ZDHHC14: variants seen among roughly 807,000 people sequenced by gnomAD.
ZDHHC14 encodes palmitoyltransferase ZDHHC14.
A neutral mutation model predicts 47.7 loss-of-function variants in ZDHHC14; 16 were observed. That is an observed-to-expected ratio of 0.34 (90% CI 0.23 to 0.51). The LOEUF (loss-of-function observed/expected upper bound fraction) is 0.51. ZDHHC14 is among the 20% of genes least tolerant of loss of function. The pLI is 0.97. For synonymous variants in ZDHHC14, 293 were observed against 278.9 expected, an observed-to-expected ratio of 1.05 and a Z score of -0.50; for missense variants, 515 against 662.5, an observed-to-expected ratio of 0.78 and a Z score of 2.44.
At chr6:157,628,623 C>G in intron 4 of ZDHHC14, 137 bp downstream of exon 4, 2 of 1,178,410 alleles carry the variant, frequency 1.7e-6, no homozygotes, top group Non-Finnish European at 2.4e-6. Flanking sequence ...CTCCTCACTT[C>G]CAGCCTGCCT....
At chr6:157,550,155 G>A (rs2114819765) in intron 2 of ZDHHC14, among the ~76,000 whole-genome samples, 1 of 152,338 alleles carries the variant, frequency 6.6e-6, no homozygotes, top group African/African-American at 2.4e-5. Flanking sequence ...TGCTCAGCCT[G>A]CACTGAGCCT....
intron 4 of ZDHHC14, 163 bp downstream of exon 4, chr6:157,628,649 C>T: frequency 1.1e-6 from 1 of 899,436 alleles, no homozygotes; most frequent in East Asian, 2.5e-5. Flanking sequence ...TTGTTTCTCA[C>T]CCTCCTCCAT....
chr6:157,615,787 TTTTTGTTTTGTTTTG>T (rs66704112), intron 3 of ZDHHC14, among the ~76,000 whole-genome samples: 125 of 151,334 alleles, frequency 8.3e-4, no homozygotes, highest in Non-Finnish European at 1.4e-3. Context: ...GCTGACTGCA[TTTTTGTTTTGTTTTG>T]TTTTGTTTTG....
intron 3 of ZDHHC14, among the ~76,000 whole-genome samples, chr6:157,625,527 C>T (rs1281640298): frequency 6.6e-6 from 1 of 152,066 alleles, no homozygotes. Context: ...GGAAAAGAGA[C>T]CCTGGGTGCA....
At chr6:157,440,982 A>G (rs1388301221) in intron 1 of ZDHHC14, among the ~76,000 whole-genome samples, 2 of 152,252 alleles carry the variant, frequency 1.3e-5, no homozygotes, top group Non-Finnish European at 2.9e-5. Context: ...TTATCTTCAT[A>G]AAAAGGGAAA....
rs143610712 is a variant in ZDHHC14 at position 157,416,401 on chromosome 6, G to A, written c.245+34135G>A. ...TTATAGGCTGGATGCAGTGTCTCAC[G>A]CCTGTAATCCCAGCACATTAGGAGG... is the stretch of plus-strand genomic sequence containing the variant. On this transcript the variant is annotated intron_variant, in intron 1 of 8. Transcript: ENST00000359775. 2.2e-3 allele frequency among the ~76,000 whole-genome samples: 328 copies of A among 151,926 alleles called. 1 individual carries two copies. The highest frequency in any genetic ancestry group is 3.4e-3 in the Middle Eastern group (1 of 294).
chr6:157,409,018 G>A (rs1003499344), intron 1 of ZDHHC14, among the ~76,000 whole-genome samples: 14 of 152,184 alleles, frequency 9.2e-5, no homozygotes, highest in African/African-American at 2.9e-4. Context: ...AGAAGGAGGG[G>A]CAAGAGGAAC....
chr6:157,470,919 G>A (rs1779338057), intron 1 of ZDHHC14, among the ~76,000 whole-genome samples: 1 of 152,188 alleles, frequency 6.6e-6, no homozygotes, highest in African/African-American at 2.4e-5. Flanking sequence ...CGTGTGAGCA[G>A]GCCTGGTGAA....
intron 1 of ZDHHC14, among the ~76,000 whole-genome samples, chr6:157,452,962 C>T (rs1778837692): frequency 6.6e-6 from 1 of 152,166 alleles, no homozygotes. Flanking sequence ...GCCTTGGCCT[C>T]CCAAAGGGAA....
At chr6:157,491,569 C>T (rs1583702577) in intron 1 of ZDHHC14, among the ~76,000 whole-genome samples, 1 of 151,946 alleles carries the variant, frequency 6.6e-6, no homozygotes, top group East Asian at 1.9e-4. Context: ...TCGGTTTCTT[C>T]TTCTTTATTT....
intron 1 of ZDHHC14, among the ~76,000 whole-genome samples, chr6:157,453,071 T>A (rs1778839824): frequency 1.3e-5 from 2 of 152,140 alleles, no homozygotes; most frequent in Admixed American, 1.3e-4. Flanking sequence ...ATCTGTTGTA[T>A]TCCTTTTTTC....
At chr6:157,413,800 A>C (rs527355486) in intron 1 of ZDHHC14, among the ~76,000 whole-genome samples, 30 of 152,250 alleles carry the variant, frequency 2.0e-4, no homozygotes, top group African/African-American at 6.3e-4. Context: ...GATTCCATCC[A>C]TGTGGCTTCT....
At chr6:157,592,915 C>T in intron 2 of ZDHHC14, 73 bp from the exon 3 acceptor site, 1 of 1,520,664 alleles carries the variant, frequency 6.6e-7, no homozygotes, top group Non-Finnish European at 8.8e-7. Context: ...AGCTTACACT[C>T]CAGGCGGACG....
chr6:157,643,650 A>AATATATATAT (rs3056787), intron 5 of ZDHHC14, among the ~76,000 whole-genome samples: 3,215 of 72,362 alleles, frequency 0.044, 378 homozygotes, highest in Non-Finnish European at 0.055. Context: ...CTTCATCTCA[A>AATATATATAT]ATATATATAT....
rs1403696047 is a variant in ZDHHC14, at chr6:157,522,991, CT to C, written c.246-19590del. Among the ~76,000 whole-genome samples, 786 of 101,310 alleles carry C rather than the reference CT, an allele frequency of 7.8e-3. 55 individuals are homozygous for C. Among genetic ancestry groups the C allele is most frequent in the African/African-American group, 0.03 (731 of 24,186 alleles). The allele number at this position is 101,310 out of a possible 152,430, so 66.5% of individuals were successfully genotyped here. A position where few individuals can be genotyped will look rare whatever the true frequency, so the allele number is the denominator to read the frequency against. Reference sequence around the variant, plus strand: ...TTTTCTTTTCTTTTCTTTTTCTTTTCTTTTCTTTTCTTTTCTTTTTCTTTTC... The same window carrying C: ...TTTTCTTTTCTTTTCTTTTTCTTTTCTTTCTTTTCTTTTCTTTTTCTTTTC... On this transcript the variant is annotated intron_variant, in intron 1 of 8. Coordinates refer to ENST00000359775, the MANE Select transcript of ZDHHC14 (RefSeq NM_024630.3).
chr6:157,490,855 T>A (rs1779897208), intron 1 of ZDHHC14, among the ~76,000 whole-genome samples: 1 of 152,246 alleles, frequency 6.6e-6, no homozygotes. Flanking sequence ...TGCCTATCAA[T>A]ACCAGGCACT....
chr6:157,508,448 C>A (rs1780383157), intron 1 of ZDHHC14, among the ~76,000 whole-genome samples: 1 of 152,142 alleles, frequency 6.6e-6, no homozygotes, highest in Non-Finnish European at 1.5e-5. Flanking sequence ...CTTGTTGCTG[C>A]CTCAACCTCC....
chr6:157,388,833 C>T (rs1399194330), intron 1 of ZDHHC14, among the ~76,000 whole-genome samples: 3 of 152,182 alleles, frequency 2.0e-5, no homozygotes, highest in Non-Finnish European at 2.9e-5. Flanking sequence ...CCAAGAAGCA[C>T]ATCACATCAA....
intron 1 of ZDHHC14, among the ~76,000 whole-genome samples, chr6:157,437,543 T>C (rs924314526): frequency 1.3e-5 from 2 of 152,224 alleles, no homozygotes; most frequent in Non-Finnish European, 2.9e-5. Flanking sequence ...CATATGCCTG[T>C]ATACAATACT....
Sources: allele counts gnomAD v4.1 joint callset (sites outside exome capture counted in the v4.1 genomes callset), GRCh38; gene constraint gnomAD v4.1.1; transcripts MANE v1.5; gene names NCBI Gene and HGNC (gene_info 2026-07-23, HGNC 2026-07-21).